AUTS2: variants seen among roughly 807,000 people sequenced by gnomAD.
AUTS2 encodes activator of transcription and developmental regulator AUTS2, also known as autism susceptibility gene 2 protein.
A neutral mutation model predicts 112.4 loss-of-function variants in AUTS2; 17 were observed. That is an observed-to-expected ratio of 0.15 (90% confidence interval 0.10 to 0.23). The LOEUF (loss-of-function observed/expected upper bound fraction) is 0.23, where lower values mean the gene tolerates loss of function less well. Among genes scored for constraint, AUTS2 ranks in the 10% least tolerant of loss-of-function variants. The pLI is 1.00. For synonymous variants in AUTS2, 751 were observed against 702.7 expected, an observed-to-expected ratio of 1.07 and a Z score of -1.09; for missense variants, 1,510 against 1,701.6, an observed-to-expected ratio of 0.89 and a Z score of 1.98.
chr7:70,705,858 A>G (rs111404594), intron 6 of AUTS2, among the ~76,000 whole-genome samples: 1,913 of 152,288 alleles, frequency 0.013, 34 homozygotes, highest in African/African-American at 0.043. Context: ...GAAGAAGTCA[A>G]TCCCTCGTGG....
At chr7:69,897,633 C>T (rs1245087235) in intron 1 of AUTS2, among the ~76,000 whole-genome samples, 1 of 151,266 alleles carries the variant, frequency 6.6e-6, no homozygotes, top group Non-Finnish European at 1.5e-5. Context: ...TGGCAGGCAT[C>T]TGTAACCCCA....
intron 5 of AUTS2, among the ~76,000 whole-genome samples, chr7:70,496,509 G>A (rs371490593): frequency 1.3e-3 from 80 of 63,616 alleles, no homozygotes; most frequent in Admixed American, 2.2e-3. Context: ...TCACATCAGC[G>A]TCGATCACAC....
At chr7:70,715,574 C>T (rs1167100204) in intron 6 of AUTS2, among the ~76,000 whole-genome samples, 1 of 151,880 alleles carries the variant, frequency 6.6e-6, no homozygotes, top group African/African-American at 2.4e-5. Context: ...CACTCTGTCA[C>T]CCAGCCTGTA....
At chr7:70,394,194 G>A (rs540664730) in intron 4 of AUTS2, among the ~76,000 whole-genome samples, 1 of 152,226 alleles carries the variant, frequency 6.6e-6, no homozygotes, top group South Asian at 2.1e-4. Flanking sequence ...AAGCCTCTTT[G>A]GTACTTTTTT....
At position 70,376,842 on chromosome 7, in the gene AUTS2, A is replaced by C. The variant is rs1344504665; in HGVS notation, c.661-58910A>C. On this transcript the variant is annotated intron_variant, in intron 4 of 18. Transcript: ENST00000342771. ...AAAAAGCCCAGGAGATGAAGCTGTCAGTCACTAAGTGTCTTTGGGAGCCTC... is the reference window on the plus strand; with the variant it reads ...AAAAAGCCCAGGAGATGAAGCTGTCCGTCACTAAGTGTCTTTGGGAGCCTC... Among the ~76,000 whole-genome samples, 3 of 151,498 alleles carry C rather than the reference A, an allele frequency of 2.0e-5. No individual in the cohort carries two copies. In the East Asian group the frequency reaches 5.8e-4, roughly 29 times the overall value.
At chr7:70,335,551 A>T (rs547651458) in intron 4 of AUTS2, among the ~76,000 whole-genome samples, 1 of 152,328 alleles carries the variant, frequency 6.6e-6, no homozygotes, top group East Asian at 1.9e-4. Context: ...ACCTAAGTGC[A>T]TAGGCAGAGG....
At chr7:70,206,337 G>A (rs959330759) in intron 4 of AUTS2, among the ~76,000 whole-genome samples, 11 of 152,090 alleles carry the variant, frequency 7.2e-5, no homozygotes, top group Non-Finnish European at 1.3e-4. Flanking sequence ...GATACGTGGA[G>A]ACATGGAGAG....
chr7:69,668,101 C>T (rs1796153936), intron 1 of AUTS2, among the ~76,000 whole-genome samples: 1 of 152,030 alleles, frequency 6.6e-6, no homozygotes, highest in South Asian at 2.1e-4. Context: ...CCAGGTGACT[C>T]TCCTAATAGT....
At chr7:70,541,038 G>A (rs534854698) in intron 5 of AUTS2, among the ~76,000 whole-genome samples, 1 of 152,184 alleles carries the variant, frequency 6.6e-6, no homozygotes, top group South Asian at 2.1e-4. Flanking sequence ...TTTCCCACTG[G>A]TGCTACCCCT....
chr7:70,349,490 T>A (rs1218085729), intron 4 of AUTS2, among the ~76,000 whole-genome samples: 1 of 152,222 alleles, frequency 6.6e-6, no homozygotes, highest in Non-Finnish European at 1.5e-5. Context: ...ACTTTTTTTG[T>A]GGCTTAAGTC....
chr7:70,495,185 A>G (rs1192895925), intron 5 of AUTS2, among the ~76,000 whole-genome samples: 1 of 150,098 alleles, frequency 6.7e-6, no homozygotes, highest in Non-Finnish European at 1.5e-5. Context: ...GTGAGGGAAC[A>G]GTTCTGTTCA....
chr7:69,904,545 A>T (rs190715931), intron 2 of AUTS2, among the ~76,000 whole-genome samples: 223 of 152,288 alleles, frequency 1.5e-3, no homozygotes, highest in African/African-American at 5.3e-3. Flanking sequence ...AAAGACATGA[A>T]CTTTGCTATG....
At chr7:70,306,092 G>A (rs965153301) in intron 4 of AUTS2, among the ~76,000 whole-genome samples, 1 of 152,110 alleles carries the variant, frequency 6.6e-6, no homozygotes, top group East Asian at 1.9e-4. Flanking sequence ...TCACATTTGG[G>A]GCATGCAAAC....
intron 4 of AUTS2, among the ~76,000 whole-genome samples, chr7:70,254,751 T>G (rs1786770409): frequency 6.6e-6 from 1 of 152,238 alleles, no homozygotes; most frequent in South Asian, 2.1e-4. Context: ...ATATCTTATG[T>G]AGCAGAGTAT....
intron 4 of AUTS2, among the ~76,000 whole-genome samples, chr7:70,422,249 C>T (rs1215906754): frequency 1.3e-5 from 2 of 152,166 alleles, no homozygotes. Context: ...AAAAAGAAAT[C>T]TGGTTGGTGA....
intron 1 of AUTS2, among the ~76,000 whole-genome samples, chr7:69,679,569 G>A (rs144268111): frequency 3.3e-5 from 5 of 152,284 alleles, no homozygotes; most frequent in African/African-American, 1.2e-4. Flanking sequence ...CATTTCAAAT[G>A]TAAAAAAATA....
At chr7:70,451,616 C>G (rs1436663582) in intron 5 of AUTS2, among the ~76,000 whole-genome samples, 1 of 151,976 alleles carries the variant, frequency 6.6e-6, no homozygotes, top group East Asian at 1.9e-4. Flanking sequence ...ATATATAGTT[C>G]ATTTAAACCT....
intron 5 of AUTS2, among the ~76,000 whole-genome samples, chr7:70,508,405 C>T (rs1799055434): frequency 6.6e-6 from 1 of 152,120 alleles, no homozygotes. Context: ...CAGTGCCGAG[C>T]ATTTGATGTT....
chr7:70,625,909 CT>C (rs1370941209), intron 5 of AUTS2, among the ~76,000 whole-genome samples: 1 of 151,790 alleles, frequency 6.6e-6, no homozygotes, highest in African/African-American at 2.4e-5. Flanking sequence ...AATATTTAGT[CT>C]TGTTTTATTT....
Sources: allele counts gnomAD v4.1 joint callset (sites outside exome capture counted in the v4.1 genomes callset), GRCh38; gene constraint gnomAD v4.1.1; transcripts MANE v1.5; gene names NCBI Gene and HGNC (gene_info 2026-07-23, HGNC 2026-07-21).